The following OPCML variants were observed in gnomAD, a reference collection of about 807,000 sequenced individuals.
OPCML encodes the protein opioid binding protein/cell adhesion molecule like, also known as opioid-binding protein/cell adhesion molecule.
OPCML carries 13 observed loss-of-function variants against 37.8 expected under a neutral mutation model. The observed-to-expected ratio is 0.34, with a 90% CI of 0.22 to 0.55. OPCML has a LOEUF of 0.55. Among genes scored for constraint, OPCML ranks in the 20% least tolerant of loss-of-function variants. The probability of loss-of-function intolerance (pLI) is 0.91; values close to 1 mark genes in which losing one functional copy is unlikely to be tolerated. For synonymous variants in OPCML, 176 were observed against 168.8 expected (o/e 1.04, Z -0.33); for missense variants, 341 against 435.6 (o/e 0.78, Z 1.93).
At chr11:133,006,117 G>A (rs1947105911) in intron 1 of OPCML, 47 of 985,266 alleles carry the variant, frequency 4.8e-5, no homozygotes, top group Non-Finnish European at 5.7e-5. Context: ...GTCATTGTGA[G>A]ACAGCCAGGT....
intron 2 of OPCML, among the ~76,000 whole-genome samples, chr11:132,659,544 A>C (rs1041851581): frequency 6.6e-6 from 1 of 152,174 alleles, no homozygotes; most frequent in Non-Finnish European, 1.5e-5. Flanking sequence ...AACCCAAGTG[A>C]CTAAGTGCAA....
At chr11:132,787,711 T>C (rs1319319822) in intron 2 of OPCML, among the ~76,000 whole-genome samples, 1 of 152,202 alleles carries the variant, frequency 6.6e-6, no homozygotes, top group Admixed American at 6.5e-5. Context: ...GTTAAAGTTC[T>C]TTAGAACCTA....
At chr11:132,774,411 A>G (rs1014841320) in intron 2 of OPCML, among the ~76,000 whole-genome samples, 1 of 152,176 alleles carries the variant, frequency 6.6e-6, no homozygotes, top group African/African-American at 2.4e-5. Context: ...TTCATCGTAC[A>G]GGCTCCGACC....
chr11:133,273,917 C>T (rs1482048521), intron 1 of OPCML, among the ~76,000 whole-genome samples: 1 of 152,224 alleles, frequency 6.6e-6, no homozygotes, highest in Admixed American at 6.5e-5. Context: ...ATTATTACTA[C>T]TTTGAAATTC....
At chr11:133,300,739 T>C (rs1218718218) in intron 1 of OPCML, 1 of 152,170 alleles carries the variant, frequency 6.6e-6, no homozygotes, top group Non-Finnish European at 1.5e-5. Context: ...TGGAATATTT[T>C]GGTGGACTCT....
chr11:132,472,418 A>G (rs2096140869), intron 4 of OPCML, among the ~76,000 whole-genome samples: 1 of 152,198 alleles, frequency 6.6e-6, no homozygotes, highest in Non-Finnish European at 1.5e-5. Flanking sequence ...ATCCCTGTAA[A>G]AGCCTACGGA....
chr11:133,199,728 C>T (rs1041254460), intron 1 of OPCML, among the ~76,000 whole-genome samples: 3 of 152,196 alleles, frequency 2.0e-5, no homozygotes, highest in South Asian at 2.1e-4. Flanking sequence ...GGCCTCTAAT[C>T]CTTAATTAAT....
chr11:132,437,565 G>A (rs2096017508), intron 4 of OPCML: 1 of 725,466 alleles, frequency 1.4e-6, no homozygotes, highest in Admixed American at 6.3e-5. Context: ...TTGCATCAAT[G>A]TATTTTCAGT....
chr11:132,456,803 A>G (rs1565578259), intron 4 of OPCML, among the ~76,000 whole-genome samples: 1 of 152,252 alleles, frequency 6.6e-6, no homozygotes, highest in Non-Finnish European at 1.5e-5. Context: ...GAAATTCCTT[A>G]AAGATTTAAA....
At chr11:132,914,430 C>T (rs1397514101) in intron 2 of OPCML, among the ~76,000 whole-genome samples, 4 of 152,168 alleles carry the variant, frequency 2.6e-5, no homozygotes, top group Non-Finnish European at 5.9e-5. Context: ...TTTATGGACT[C>T]GTTTAGATTT....
chr11:133,087,970 A>G (rs1487448545), intron 1 of OPCML, among the ~76,000 whole-genome samples: 3 of 152,236 alleles, frequency 2.0e-5, no homozygotes, highest in Non-Finnish European at 4.4e-5. Context: ...ACAGCTTGCC[A>G]AAGTATCCAC....
At chr11:132,676,953 C>A (rs1591712020) in intron 2 of OPCML, among the ~76,000 whole-genome samples, 1 of 151,958 alleles carries the variant, frequency 6.6e-6, no homozygotes, top group East Asian at 1.9e-4. Flanking sequence ...ACCAAACTGT[C>A]TTTGTTCACA....
intron 1 of OPCML, among the ~76,000 whole-genome samples, chr11:133,204,888 A>ATATGTGTG (rs1555114229): frequency 4.6e-5 from 6 of 129,154 alleles, no homozygotes; most frequent in South Asian, 5.1e-4. Context: ...ATATATATAT[A>ATATGTGTG]TATATATATA....
intron 3 of OPCML, among the ~76,000 whole-genome samples, chr11:132,584,561 A>G (rs2096468570): frequency 6.6e-6 from 1 of 152,330 alleles, no homozygotes; most frequent in East Asian, 1.9e-4. Flanking sequence ...AGAACTAGCT[A>G]GTTAACTGGA....
intron 1 of OPCML, among the ~76,000 whole-genome samples, chr11:133,473,932 A>G (rs1400647495): frequency 6.6e-6 from 1 of 152,218 alleles, no homozygotes; most frequent in Non-Finnish European, 1.5e-5. Flanking sequence ...ACTTTAATAA[A>G]GACATATTTG....
chr11:132,970,235 T>C (rs1027764355), intron 1 of OPCML, among the ~76,000 whole-genome samples: 1 of 152,230 alleles, frequency 6.6e-6, no homozygotes, highest in African/African-American at 2.4e-5. Flanking sequence ...AAATTCATTT[T>C]ACTGTTTGAA....
chr11:132,829,622 G>C (rs189066828), intron 2 of OPCML, among the ~76,000 whole-genome samples: 1 of 152,178 alleles, frequency 6.6e-6, no homozygotes, highest in African/African-American at 2.4e-5. Flanking sequence ...CTCCTGTCCG[G>C]TGTTGGCCTA....
intron 1 of OPCML, among the ~76,000 whole-genome samples, chr11:133,081,181 G>A (rs1237119969): frequency 1.3e-5 from 2 of 152,114 alleles, no homozygotes; most frequent in Admixed American, 1.3e-4. Flanking sequence ...TGGTGGAGAG[G>A]GGAGGTATAC....
At chr11:132,452,157 T>C (rs2096069927) in intron 4 of OPCML, among the ~76,000 whole-genome samples, 1 of 152,190 alleles carries the variant, frequency 6.6e-6, no homozygotes, top group South Asian at 2.1e-4. Flanking sequence ...AAATCCTCAA[T>C]TCTTAGCTTC....
Sources: gnomAD v4.1 joint callset for allele counts (sites outside exome capture counted in the v4.1 genomes callset) on GRCh38, gnomAD v4.1.1 for gene constraint, MANE v1.5 for transcripts, NCBI Gene and HGNC (gene_info 2026-07-23, HGNC 2026-07-21) for gene names.